Variants in NHEJ1 observed in about 807,000 individuals in gnomAD.
NHEJ1 encodes non-homologous end joining factor 1, also known as non-homologous end-joining factor 1.
NHEJ1 carries 22 observed loss-of-function variants against 39.4 expected under a neutral mutation model. The ratio of observed to expected loss-of-function variants is 0.56; its 90% CI spans 0.40 to 0.80. NHEJ1 has a LOEUF of 0.80. Ranked by LOEUF, NHEJ1 falls within the 30% of genes least tolerant of loss-of-function variation. NHEJ1 has a pLI of 0.00. For synonymous variants in NHEJ1, 154 were observed against 135.6 expected (o/e 1.14, Z -0.94); for missense variants, 329 against 357.1 (o/e 0.92, Z 0.63).
chr2:219,078,070 G>A lies in NHEJ1; in HGVS notation c.706+19C>T, dbSNP rs377230843. The A allele has an allele frequency of 1.2e-5, 18 of 1,556,778 alleles. No individual in the cohort carries two copies. In the African/African-American group the frequency reaches 2.0e-4, roughly 18 times the overall value. ...CTAATTGTATCCTCACACAGACCGG[G>A]TACCTCTGGAGGGCTCACCAGCGCC... On this transcript the variant is annotated intron_variant, in intron 6 of 7. Coordinates refer to ENST00000356853, the MANE Select transcript of NHEJ1 (RefSeq NM_024782.3).
chr2:219,106,089 C>T (rs75834424), intron 5 of NHEJ1, among the ~76,000 whole-genome samples: 1,823 of 152,234 alleles, frequency 0.012, 40 homozygotes, highest in African/African-American at 0.041. Context: ...ACGTTCATTC[C>T]ATGAATGAAT....
At chr2:219,157,384 A>G in intron 3 of NHEJ1, 88 bp downstream of exon 3, 2 of 1,153,818 alleles carry the variant, frequency 1.7e-6, no homozygotes, top group Non-Finnish European at 2.6e-6. Context: ...ATTTCAAACA[A>G]GGTTTGCAAA....
intron 5 of NHEJ1, among the ~76,000 whole-genome samples, chr2:219,103,217 C>T (rs1257594866): frequency 6.7e-6 from 1 of 149,452 alleles, no homozygotes; most frequent in Non-Finnish European, 1.5e-5. Context: ...AGGTTATATG[C>T]ATAAACATTG....
intron 3 of NHEJ1, 107 bp from the exon 4 acceptor site, chr2:219,147,902 CT>C: frequency 1.7e-6 from 2 of 1,157,054 alleles, no homozygotes; most frequent in Non-Finnish European, 2.5e-6. Flanking sequence ...CTTACAGAAA[CT>C]TATAGTTTCA....
intron 3 of NHEJ1, among the ~76,000 whole-genome samples, chr2:219,156,573 C>G (rs757065088): frequency 6.6e-6 from 1 of 152,132 alleles, no homozygotes; most frequent in Non-Finnish European, 1.5e-5. Flanking sequence ...GGATATTATC[C>G]CCCTAGTCTC....
At chr2:219,116,904 G>T (rs912801059) in intron 5 of NHEJ1, among the ~76,000 whole-genome samples, 26 of 152,164 alleles carry the variant, frequency 1.7e-4, no homozygotes, top group African/African-American at 5.8e-4. Flanking sequence ...AGGCAACTTG[G>T]AGGAGGGACA....
At chr2:219,077,939 C>G (rs1026465909) in intron 6 of NHEJ1, 150 bp downstream of exon 6, 6 of 683,978 alleles carry the variant, frequency 8.8e-6, no homozygotes, top group African/African-American at 3.6e-5. Flanking sequence ...GTGGCTACTG[C>G]AAAAGAGAAA....
chr2:219,147,915 A>G, intron 3 of NHEJ1, 120 bp from the exon 4 acceptor site: 1 of 982,626 alleles, frequency 1.0e-6, no homozygotes, highest in Non-Finnish European at 1.5e-6. Flanking sequence ...ATAGTTTCAT[A>G]GGCAAGTAAC....
chr2:219,126,687 T>C (rs1339763205), intron 5 of NHEJ1, among the ~76,000 whole-genome samples: 1 of 151,994 alleles, frequency 6.6e-6, no homozygotes, highest in Non-Finnish European at 1.5e-5. Flanking sequence ...AACCAGTAAT[T>C]ATAGTACAGT....
intron 2 of NHEJ1, 52 bp downstream of exon 2, chr2:219,158,134 A>G: frequency 6.3e-6 from 10 of 1,599,324 alleles, no homozygotes; most frequent in Non-Finnish European, 8.6e-6. Flanking sequence ...CAGGCCAGCA[A>G]GCTGGTTGAT....
At chr2:219,127,245 G>A (rs908849019) in intron 5 of NHEJ1, among the ~76,000 whole-genome samples, 2 of 152,206 alleles carry the variant, frequency 1.3e-5, no homozygotes, top group Non-Finnish European at 2.9e-5. Context: ...AGGTTCAGAC[G>A]TGGCCTACTT....
chr2:219,137,450 T>C (rs1392608009), intron 5 of NHEJ1, among the ~76,000 whole-genome samples: 1 of 151,404 alleles, frequency 6.6e-6, no homozygotes, highest in Non-Finnish European at 1.5e-5. Flanking sequence ...CAGTAATTAA[T>C]AAGTGCAAGG....
intron 5 of NHEJ1, among the ~76,000 whole-genome samples, chr2:219,101,804 C>T (rs902707664): frequency 2.6e-5 from 4 of 151,254 alleles, no homozygotes; most frequent in African/African-American, 9.7e-5. Flanking sequence ...CAGCTCACCG[C>T]AACTTCTGCC....
intron 5 of NHEJ1, among the ~76,000 whole-genome samples, chr2:219,145,821 A>G (rs1226196498): frequency 6.6e-6 from 1 of 151,914 alleles, no homozygotes; most frequent in Non-Finnish European, 1.5e-5. Context: ...AATCCCAGCT[A>G]CTCAGGAGGT....
At chr2:219,143,623 T>C (rs760064520) in intron 5 of NHEJ1, among the ~76,000 whole-genome samples, 13 of 152,198 alleles carry the variant, frequency 8.5e-5, no homozygotes, top group Non-Finnish European at 1.6e-4. Context: ...CAACTACCTA[T>C]CTCTCACTTC....
Position 219,070,189 on chromosome 2 carries a change from T to C in NHEJ1, c.*6192A>G, listed in dbSNP as rs1232597286. Among the ~76,000 whole-genome samples the C allele has an allele frequency of 6.6e-6, 1 of 152,036 alleles. No individual in the cohort carries two copies. The highest frequency in any genetic ancestry group is 1.5e-5 in the Non-Finnish European group (1 of 68,010). ...GCGCACATCACCACACTAATTTTTT[T>C]TTTATTTTTATTTTTGAGATGGAGT... is the stretch of plus-strand genomic sequence containing the variant. On this transcript the variant is annotated 3_prime_UTR_variant, in exon 8 of 8. Transcript: ENST00000356853.
At chr2:219,110,177 C>T (rs1490315050) in intron 5 of NHEJ1, among the ~76,000 whole-genome samples, 1 of 152,082 alleles carries the variant, frequency 6.6e-6, no homozygotes, top group African/African-American at 2.4e-5. Context: ...AATCCCTGCC[C>T]TCATTGAGAA....
chr2:219,092,021 T>C (rs551872742), intron 5 of NHEJ1, among the ~76,000 whole-genome samples: 20 of 152,178 alleles, frequency 1.3e-4, no homozygotes, highest in Non-Finnish European at 2.6e-4. Flanking sequence ...AAATGACTGA[T>C]TGTGGGTTTA....
chr2:219,081,617 T>C (rs916579287), intron 5 of NHEJ1, among the ~76,000 whole-genome samples: 2 of 152,216 alleles, frequency 1.3e-5, no homozygotes, highest in African/African-American at 4.8e-5. Context: ...TCTGAGTTAA[T>C]ACAAAGATAG....
Sources: allele counts gnomAD v4.1 joint callset (sites outside exome capture counted in the v4.1 genomes callset), GRCh38; gene constraint gnomAD v4.1.1; transcripts MANE v1.5; gene names NCBI Gene and HGNC (gene_info 2026-07-23, HGNC 2026-07-21).